Variants in CBFA2T3 observed in about 807,000 individuals in gnomAD.
CBFA2T3 encodes CBFA2/RUNX1 partner transcriptional co-repressor 3.
In CBFA2T3, 31 loss-of-function variants were observed where a neutral mutation model predicts 58.6. The observed-to-expected ratio is 0.53, with a 90% CI of 0.40 to 0.71. The LOEUF (loss-of-function observed/expected upper bound fraction) is 0.71. Among genes scored for constraint, CBFA2T3 ranks in the 30% least tolerant of loss-of-function variants. The probability of loss-of-function intolerance (pLI) is 0.00; values close to 1 mark genes in which losing one functional copy is unlikely to be tolerated. For missense variants in CBFA2T3, 1,076 were observed against 963.1 expected (o/e 1.12, Z -1.55); for synonymous variants, 531 against 421.9 (o/e 1.26, Z -3.17).
chr16:88,879,019 A>G (rs1968954445), intron 11 of CBFA2T3, among the ~76,000 whole-genome samples: 1 of 152,230 alleles, frequency 6.6e-6, no homozygotes, highest in African/African-American at 2.4e-5. Context: ...ACCTCAGACA[A>G]GCTGCCAACC....
At chr16:88,960,672 G>T (rs1054315669) in intron 1 of CBFA2T3, among the ~76,000 whole-genome samples, 2 of 152,362 alleles carry the variant, frequency 1.3e-5, no homozygotes, top group African/African-American at 2.4e-5. Flanking sequence ...TAAGCAAGAG[G>T]ATAGTGAAGC....
intron 1 of CBFA2T3, among the ~76,000 whole-genome samples, chr16:88,928,923 G>A (rs1971178854): frequency 6.6e-6 from 1 of 152,256 alleles, no homozygotes; most frequent in East Asian, 1.9e-4. Context: ...GCCCTGAACT[G>A]CAGCCAGGCA....
intron 1 of CBFA2T3, among the ~76,000 whole-genome samples, chr16:88,940,844 G>A (rs373331008): frequency 3.3e-5 from 5 of 152,192 alleles, no homozygotes; most frequent in African/African-American, 7.2e-5. Context: ...CTCACGGGGG[G>A]CTGCGCTCAG....
chr16:88,891,511 C>A (rs1285352515), intron 5 of CBFA2T3, among the ~76,000 whole-genome samples: 2 of 152,240 alleles, frequency 1.3e-5, no homozygotes, highest in Admixed American at 6.5e-5. Context: ...GCCTTGCCCC[C>A]ACACTGGCAC....
intron 3 of CBFA2T3, among the ~76,000 whole-genome samples, chr16:88,895,522 C>A (rs867136209): frequency 6.6e-6 from 1 of 152,178 alleles, no homozygotes; most frequent in African/African-American, 2.4e-5. Flanking sequence ...GATTGCCTCC[C>A]GTCCCCGGCA....
chr16:88,951,340 C>T (rs533569561), intron 1 of CBFA2T3: 2 of 457,410 alleles, frequency 4.4e-6, no homozygotes, highest in African/African-American at 2.0e-5. Flanking sequence ...GTCTCCATCC[C>T]TCCCTTTGTT....
intron 3 of CBFA2T3, among the ~76,000 whole-genome samples, chr16:88,897,068 TG>T (rs375291556): frequency 3.3e-5 from 5 of 152,146 alleles, no homozygotes; most frequent in East Asian, 1.9e-4. Context: ...AGAGCCTTGG[TG>T]GGGGGGTCAG....
Position 88,904,496 on chromosome 16 carries a change from C to T in CBFA2T3, c.152-2840G>A, listed in dbSNP as rs1005344559. Among the ~76,000 whole-genome samples the T allele has an allele frequency of 3.9e-5, 6 of 152,226 alleles. No individual in the cohort carries two copies. The South Asian group carries it at 6.2e-4, about 16-fold the overall frequency. On this transcript the variant is annotated intron_variant, in intron 1 of 11. Transcript: ENST00000268679. ...GGACTCGGCAGGACTCCAAAGTCTC[C>T]GCTTGTCATCAACACGCTTGCCTCC... is the stretch of plus-strand genomic sequence containing the variant.
chr16:88,917,261 A>G (rs1044788500), intron 1 of CBFA2T3, among the ~76,000 whole-genome samples: 5 of 152,168 alleles, frequency 3.3e-5, no homozygotes, highest in African/African-American at 9.7e-5. Flanking sequence ...CCCAGACACA[A>G]GCGGAGCGGA....
intron 1 of CBFA2T3, among the ~76,000 whole-genome samples, chr16:88,931,190 C>T (rs1453231333): frequency 6.6e-6 from 1 of 152,000 alleles, no homozygotes; most frequent in African/African-American, 2.4e-5. Flanking sequence ...GGCTCAGCCT[C>T]CCTCCCAGGG....
intron 1 of CBFA2T3, among the ~76,000 whole-genome samples, chr16:88,934,348 C>A (rs1340118622): frequency 6.6e-6 from 1 of 152,246 alleles, no homozygotes; most frequent in Non-Finnish European, 1.5e-5. Context: ...CCCGAACACT[C>A]TGCTCCCAGG....
chr16:88,973,821 G>A (rs1280497442), intron 1 of CBFA2T3, among the ~76,000 whole-genome samples: 4 of 151,814 alleles, frequency 2.6e-5, no homozygotes, highest in Non-Finnish European at 4.4e-5. Flanking sequence ...CTCCAGCCAG[G>A]GCTCAAGCTT....
intron 1 of CBFA2T3, chr16:88,951,039 A>T: frequency 2.5e-6 from 1 of 395,646 alleles, no homozygotes; most frequent in Non-Finnish European, 5.0e-6. Context: ...ACAGAGGGTC[A>T]GAGTGTTGGC....
Position 88,976,915 on chromosome 16 carries a change from G to C in CBFA2T3, c.-108C>G, listed in dbSNP as rs1332730056. 11 of 1,368,136 alleles carry C rather than the reference G, an allele frequency of 8.0e-6. No homozygotes were observed. The African/African-American group carries it at 1.6e-4, about 20-fold the overall frequency. 84.7% of individuals were successfully genotyped at this position (1,368,136 alleles called of 1,614,324 possible). A position where few individuals can be genotyped will look rare whatever the true frequency, so the allele number is the denominator to read the frequency against. ...GAGGGAAAGAGGAGGGGCTGGGCCA[G>C]CTGGGGCGTCCTGGAGTTGGGCCTC... On this transcript the variant is annotated 5_prime_UTR_variant, in exon 1 of 12. Transcript: ENST00000268679.
chr16:88,916,631 T>C (rs1051743919), intron 1 of CBFA2T3, among the ~76,000 whole-genome samples: 2 of 2,698 alleles, frequency 7.4e-4, no homozygotes, highest in East Asian at 0.013. Flanking sequence ...GGGCGGCCCC[T>C]GGGGAGAGGT....
In CBFA2T3 at chr16:88,892,336, G is replaced by A. The variant is rs1482047691; in HGVS notation, c.529C>T (p.Leu177Phe). The A allele has an allele frequency of 3.7e-6, 6 of 1,613,160 alleles. No homozygotes were observed. Among genetic ancestry groups the A allele is most frequent in the Non-Finnish European group, 5.1e-6 (6 of 1,179,954 alleles). ...TGCAGTGTGGTGAGGAAGCGCTTGA[G>A]CTTGCTGAGCTGCCGGGCCCCGCAG... ...PACGARQLSK[L>F]KRFLTTLQQF... Residue 177 changes from leucine (L) to phenylalanine (F), a missense_variant, in exon 4 of 12, where the codon CTC becomes TTC. Transcript: ENST00000268679.
intron 1 of CBFA2T3, among the ~76,000 whole-genome samples, chr16:88,909,203 G>C (rs1970439692): frequency 6.6e-6 from 1 of 152,206 alleles, no homozygotes; most frequent in African/African-American, 2.4e-5. Flanking sequence ...GCCTTTTCTG[G>C]GGCTGTGGTG....
chr16:88,929,935 C>A (rs1451956258), intron 1 of CBFA2T3, among the ~76,000 whole-genome samples: 1 of 148,398 alleles, frequency 6.7e-6, no homozygotes, highest in Non-Finnish European at 1.5e-5. Flanking sequence ...GCTACCAATA[C>A]CCACAGCTGC....
At chr16:88,917,565 C>T (rs1377435925) in intron 1 of CBFA2T3, among the ~76,000 whole-genome samples, 2 of 152,142 alleles carry the variant, frequency 1.3e-5, no homozygotes, top group African/African-American at 2.4e-5. Context: ...AAAGTGTCGT[C>T]GCTGTTTAAA....
Sources: gnomAD v4.1 joint callset for allele counts (sites outside exome capture counted in the v4.1 genomes callset) on GRCh38, gnomAD v4.1.1 for gene constraint, MANE v1.5 for transcripts, NCBI Gene and HGNC (gene_info 2026-07-23, HGNC 2026-07-21) for gene names.